CCT7: variants seen among roughly 807,000 people sequenced by gnomAD.
CCT7 encodes the protein T-complex protein 1 subunit eta.
A neutral mutation model predicts 56.6 loss-of-function variants in CCT7; 16 were observed. That is an observed-to-expected ratio of 0.28 (90% CI 0.19 to 0.43). The LOEUF is 0.43. CCT7 is among the 20% of genes least tolerant of loss of function. The pLI, the probability that CCT7 is intolerant of heterozygous loss-of-function variation, is 1.00. For synonymous variants in CCT7, 262 were observed against 254.8 expected, an observed-to-expected ratio of 1.03 and a Z score of -0.27; for missense variants, 519 against 685.6, an observed-to-expected ratio of 0.76 and a Z score of 2.71.
chr2:73,238,711 A>G (rs1444802496), intron 1 of CCT7, among the ~76,000 whole-genome samples: 2 of 152,234 alleles, frequency 1.3e-5, no homozygotes, highest in Admixed American at 6.5e-5. Flanking sequence ...ACTTGAGAAG[A>G]CTGGATCTAG....
intron 7 of CCT7, among the ~76,000 whole-genome samples, chr2:73,248,787 T>A (rs1005327949): frequency 6.6e-6 from 1 of 152,234 alleles, no homozygotes; most frequent in African/African-American, 2.4e-5. Context: ...TCTGCTTTTG[T>A]GTTGGGGAGT....
rs555655298 is a variant in CCT7, at chr2:73,249,272, C to T, written c.972+93C>T. Reference sequence around the variant, plus strand: ...ATAACAGAGTGTACTGTCAGGTTGGCGTGTGAATTGAGCCCTGTTTTTTTT... The same window carrying T: ...ATAACAGAGTGTACTGTCAGGTTGGTGTGTGAATTGAGCCCTGTTTTTTTT... On this transcript the variant is annotated intron_variant, in intron 8 of 11. Coordinates refer to ENST00000258091, the MANE Select transcript of CCT7 (RefSeq NM_006429.4). The T allele has an allele frequency of 1.2e-5, 12 of 973,176 alleles. No homozygotes were observed. The East Asian group carries it at 1.4e-4, about 11-fold the overall frequency. 60.3% of individuals were successfully genotyped at this position (973,176 alleles called of 1,614,324 possible).
At chr2:73,244,307 G>C (rs548703746) in intron 5 of CCT7, 1 of 603,228 alleles carries the variant, frequency 1.7e-6, no homozygotes, top group Admixed American at 3.0e-5. Flanking sequence ...CCTTGGCTGT[G>C]TCCCAGCCCA....
At chr2:73,244,229 G>A (rs866148955) in intron 5 of CCT7, 180 bp downstream of exon 5, 1 of 669,266 alleles carries the variant, frequency 1.5e-6, no homozygotes, top group Admixed American at 2.9e-5. Context: ...ACTTCCTGTG[G>A]CCAAATTGGA....
chr2:73,236,139 G>A (rs1686872020), intron 1 of CCT7, among the ~76,000 whole-genome samples: 1 of 152,242 alleles, frequency 6.6e-6, no homozygotes, highest in African/African-American at 2.4e-5. Flanking sequence ...TGTTGGTACA[G>A]CTTGCATAAA....
At chr2:73,246,835 A>T (rs1274281006) in intron 6 of CCT7, among the ~76,000 whole-genome samples, 1 of 152,166 alleles carries the variant, frequency 6.6e-6, no homozygotes, top group African/African-American at 2.4e-5. Context: ...CCCTTTAGGA[A>T]GCTGTGGATT....
chr2:73,250,266 G>A (rs754387662), intron 9 of CCT7, 40 bp from the exon 10 acceptor site: 37 of 1,611,600 alleles, frequency 2.3e-5, no homozygotes, highest in Non-Finnish European at 3.1e-5. Flanking sequence ...GATGGTGGCA[G>A]ACAAGAGTTC....
intron 7 of CCT7, among the ~76,000 whole-genome samples, chr2:73,248,381 C>T (rs972699801): frequency 3.3e-5 from 5 of 151,536 alleles, no homozygotes; most frequent in Admixed American, 1.3e-4. Flanking sequence ...GACGGAGTCT[C>T]GCTCTGTTGC....
rs900917756 is a variant in CCT7, at chr2:73,234,496, T to C, written c.6+112T>C. 3.1e-6 allele frequency: 4 copies of C among 1,270,718 alleles called. No individual in the cohort carries two copies. The African/African-American group carries it at 5.9e-5, about 19-fold the overall frequency. 78.7% of individuals were successfully genotyped at this position (1,270,718 alleles called of 1,614,324 possible). On this transcript the variant is annotated intron_variant, in intron 1 of 11. Coordinates refer to ENST00000258091, the MANE Select transcript of CCT7 (RefSeq NM_006429.4). ...CCTCTTTTGCTTGCCGCCTCTGTCC[T>C]CGCCCAGATCCCCAGCTTAGGGGCG...
In CCT7 at chr2:73,252,717, T is replaced by C. The variant is rs1574367567; in HGVS notation, c.1488T>C (p.Ala496=). 2 of 1,614,184 alleles carry C rather than the reference T, an allele frequency of 1.2e-6. No homozygotes were observed. The highest frequency in any genetic ancestry group is 1.7e-6 in the Non-Finnish European group (2 of 1,180,024). The change falls in exon 12 of 12, where the codon GCT becomes GCC. Residue 496 remains alanine (A), a synonymous_variant. Transcript: ENST00000258091. ...TTGAAGCTTTCGTGTGGGAGCCAGC[T>C]ATGGTGCGGATCAATGCGCTGACAG... ...DNFEAFVWEP[A]MVRINALTAA...
intron 6 of CCT7, among the ~76,000 whole-genome samples, chr2:73,245,322 A>G (rs1687289122): frequency 6.6e-6 from 1 of 152,204 alleles, no homozygotes; most frequent in Non-Finnish European, 1.5e-5. Flanking sequence ...TTAACAACAT[A>G]TTTTAGAAAT....
At chr2:73,250,644 C>T (rs143864389) in intron 10 of CCT7, among the ~76,000 whole-genome samples, 55 of 152,126 alleles carry the variant, frequency 3.6e-4, no homozygotes, top group African/African-American at 1.2e-3. Flanking sequence ...AAAGCTAAGA[C>T]TTGTTCTTTT....
chr2:73,240,323 A>T, intron 2 of CCT7, 114 bp from the exon 3 acceptor site: 1 of 585,774 alleles, frequency 1.7e-6, no homozygotes, highest in South Asian at 2.6e-5. Context: ...CTTTCCCTTC[A>T]GCCCTGCCGT....
chr2:73,251,128 A>T (rs1303387999), intron 10 of CCT7, 98 bp from the exon 11 acceptor site: 2 of 1,097,712 alleles, frequency 1.8e-6, no homozygotes. Context: ...AGGAATGAAG[A>T]ACCACTCTTT....
chr2:73,251,257 T>C lies in CCT7; in HGVS notation c.1235T>C (p.Ile412Thr), dbSNP rs950961129. The change falls in exon 11 of 12, where the codon ATT becomes ACT. Residue 412 changes from isoleucine to threonine, a missense_variant. Physicochemically the swap from Ile to Thr is moderately conservative, Grantham distance 89 (BLOSUM62 -1). Coordinates refer to ENST00000258091, the MANE Select transcript of CCT7 (RefSeq NM_006429.4). ...TCAGTGGTGGCTGGTGGCGGGGCCA[T>C]TGAGATGGAACTCTCCAAGTACCTG... ...NDSVVAGGGA[I>T]EMELSKYLRD... The C allele has an allele frequency of 6.2e-7, 1 of 1,614,044 alleles. No individual in the cohort carries two copies. The highest frequency in any genetic ancestry group is 1.3e-5 in the African/African-American group (1 of 74,914).
At chr2:73,251,074 T>C in intron 10 of CCT7, 152 bp from the exon 11 acceptor site, 4 of 665,498 alleles carry the variant, frequency 6.0e-6, no homozygotes, top group Non-Finnish European at 1.0e-5. Flanking sequence ...TGGGATGTTC[T>C]AGATAGGGGC....
At position 73,251,208 on chromosome 2, in the gene CCT7, G is replaced by A. The variant is rs769412260; in HGVS notation, c.1204-18G>A. ...ACCAGGGGCCCTCTTACATTGAGAG[G>A]TGGTCTGATCTCTGCAGAATGATTC... On this transcript the variant is annotated intron_variant, in intron 10 of 11. Transcript: ENST00000258091. 2 of 1,613,272 alleles carry A rather than the reference G, an allele frequency of 1.2e-6. No individual in the cohort carries two copies. The highest frequency in any genetic ancestry group is 1.7e-6 in the Non-Finnish European group (2 of 1,179,258).
chr2:73,243,168 A>T (rs771843818), intron 4 of CCT7, 39 bp downstream of exon 4: 1 of 1,597,842 alleles, frequency 6.3e-7, no homozygotes, highest in Non-Finnish European at 8.6e-7. Flanking sequence ...GGGCCTGGAC[A>T]CCTTCACATT....
chr2:73,235,641 C>G, intron 1 of CCT7: 2 of 768,622 alleles, frequency 2.6e-6, no homozygotes, highest in Non-Finnish European at 3.2e-6. Context: ...ACACTGAATG[C>G]CTAGGTTTGT....
Sources: allele counts gnomAD v4.1 joint callset (sites outside exome capture counted in the v4.1 genomes callset), GRCh38; gene constraint gnomAD v4.1.1; transcripts MANE v1.5; gene names NCBI Gene and HGNC (gene_info 2026-07-23, HGNC 2026-07-21).